Variants in CDC14B observed in about 807,000 individuals in gnomAD.
The protein encoded by CDC14B is cell division cycle 14B.
Under a neutral mutation model 64.2 loss-of-function variants are expected in CDC14B, and 22 were observed. The ratio of observed to expected loss-of-function variants is 0.34; its 90% CI spans 0.24 to 0.49. The LOEUF (loss-of-function observed/expected upper bound fraction) is 0.49, where lower values mean the gene tolerates loss of function less well. Ranked by LOEUF, CDC14B falls within the 20% of genes least tolerant of loss-of-function variation. The pLI is 0.99. For missense variants in CDC14B, 498 were observed against 629.9 expected (o/e 0.79, Z 2.24); for synonymous variants, 191 against 215.8 (o/e 0.89, Z 1.01).
Position 96,534,034 on chromosome 9 carries a change from T to C in CDC14B, c.839A>G (p.His280Arg). The C allele has an allele frequency of 1.9e-6, 3 of 1,613,274 alleles. No homozygotes were observed. The highest frequency in any genetic ancestry group is 2.5e-6 in the Non-Finnish European group (3 of 1,179,474). ...AKRFTDAGFDHHDLFFADGST... is the reference protein window; with the variant it reads ...AKRFTDAGFDRHDLFFADGST... ...GCCATCCGCAAAGAAAAGATCATGG[T>C]GATCGAAGCCAGCATCCGTAAAGCG... The change falls in exon 9 of 14, where the codon CAC becomes CGC. Residue 280 changes from histidine to arginine, a missense_variant. By Grantham distance (29) the His-to-Arg change is conservative. Transcript: ENST00000375241.
chr9:96,598,521 G>C (rs1438586461), intron 1 of CDC14B, among the ~76,000 whole-genome samples: 5 of 152,084 alleles, frequency 3.3e-5, no homozygotes, highest in African/African-American at 9.7e-5. Context: ...ATTTTCAGTA[G>C]AGACAGGGTT....
intron 11 of CDC14B, among the ~76,000 whole-genome samples, chr9:96,522,913 C>A (rs1052051659): frequency 2.0e-5 from 3 of 152,160 alleles, no homozygotes; most frequent in Non-Finnish European, 4.4e-5. Flanking sequence ...ACTGCTACCC[C>A]CTAAGCCTTT....
intron 13 of CDC14B, among the ~76,000 whole-genome samples, chr9:96,504,363 C>T (rs987831453): frequency 2.0e-5 from 3 of 152,120 alleles, no homozygotes; most frequent in East Asian, 1.9e-4. Context: ...CAGTTCACGA[C>T]GCTACACTTT....
chr9:96,529,845 T>C (rs1237620017), intron 9 of CDC14B, among the ~76,000 whole-genome samples: 3 of 152,138 alleles, frequency 2.0e-5, no homozygotes, highest in Non-Finnish European at 2.9e-5. Context: ...TTATTCTTTC[T>C]CAAGATTGTT....
chr9:96,526,096 G>A (rs77175688), intron 9 of CDC14B, among the ~76,000 whole-genome samples: 9,560 of 152,178 alleles, frequency 0.063, 951 homozygotes, highest in African/African-American at 0.21. Context: ...GGCCGGGTGC[G>A]GTGGCTCACA....
chr9:96,590,380 TC>T (rs1845710826), intron 1 of CDC14B, among the ~76,000 whole-genome samples: 1 of 152,216 alleles, frequency 6.6e-6, no homozygotes, highest in Non-Finnish European at 1.5e-5. Context: ...ATTTTCTTTT[TC>T]CATTCATCTG....
chr9:96,534,605 A>AGTCTTGAGTAG, intron 7 of CDC14B, 63 bp from the exon 8 acceptor site: 1 of 1,078,152 alleles, frequency 9.3e-7, no homozygotes, highest in Non-Finnish European at 1.4e-6. Flanking sequence ...CTCTCTACTC[A>AGTCTTGAGTAG]AGACTGAGTC....
At chr9:96,519,676 A>G (rs914552993) in intron 12 of CDC14B, among the ~76,000 whole-genome samples, 7 of 148,328 alleles carry the variant, frequency 4.7e-5, no homozygotes, top group African/African-American at 9.9e-5. Context: ...GGTTGCAGTG[A>G]GCCGAGGGCA....
intron 5 of CDC14B, among the ~76,000 whole-genome samples, chr9:96,550,630 G>A (rs1209411325): frequency 1.3e-5 from 2 of 152,174 alleles, no homozygotes; most frequent in Non-Finnish European, 1.5e-5. Flanking sequence ...ATTTGTGAAT[G>A]GAAGAACAAG....
intron 4 of CDC14B, among the ~76,000 whole-genome samples, chr9:96,554,744 C>CT (rs1279953976): frequency 1.3e-5 from 2 of 152,030 alleles, no homozygotes; most frequent in Non-Finnish European, 2.9e-5. Context: ...TAACTTTTAC[C>CT]TTTTTTTCTT....
At chr9:96,566,646 C>A in intron 1 of CDC14B, 1 of 917,912 alleles carries the variant, frequency 1.1e-6, no homozygotes, top group East Asian at 2.6e-5. Context: ...CGAGGCCACC[C>A]ACACGCAGGA....
At chr9:96,595,403 G>A (rs1846012734) in intron 1 of CDC14B, among the ~76,000 whole-genome samples, 1 of 152,192 alleles carries the variant, frequency 6.6e-6, no homozygotes, top group Non-Finnish European at 1.5e-5. Context: ...AACAGACTCA[G>A]AACTGACATA....
intron 1 of CDC14B, among the ~76,000 whole-genome samples, chr9:96,612,629 TGATTA>T (rs1013807150): frequency 3.9e-5 from 6 of 152,338 alleles, no homozygotes; most frequent in African/African-American, 1.4e-4. Flanking sequence ...AAAAACTCTT[TGATTA>T]AAGTTTTTCT....
At chr9:96,589,374 G>T (rs543826885) in intron 1 of CDC14B, among the ~76,000 whole-genome samples, 2 of 151,584 alleles carry the variant, frequency 1.3e-5, no homozygotes, top group African/African-American at 2.4e-5. Context: ...AGTATATTTG[G>T]TTTTTTGTTT....
chr9:96,593,038 G>A (rs956742089), intron 1 of CDC14B, among the ~76,000 whole-genome samples: 10 of 152,140 alleles, frequency 6.6e-5, no homozygotes, highest in Non-Finnish European at 1.5e-5. Context: ...GTTGTTAACT[G>A]CTCAGAAAAT....
rs1833683234 is a variant in CDC14B at position 96,502,883 on chromosome 9, T to A, written c.*870A>T. 3 of 398,410 alleles carry A rather than the reference T, an allele frequency of 7.5e-6. No homozygotes were observed. In the Admixed American group the frequency reaches 1.3e-4, roughly 18 times the overall value. 24.7% of individuals were successfully genotyped at this position (398,410 alleles called of 1,614,324 possible). A position where few individuals can be genotyped will look rare whatever the true frequency, so the allele number is the denominator to read the frequency against. On this transcript the variant is annotated 3_prime_UTR_variant, in exon 14 of 14. Coordinates refer to ENST00000375241, the MANE Select transcript of CDC14B (RefSeq NM_033331.4). ...TTTTTTTTTGTAAGCCGACATTATT[T>A]GGGATTGCTGTTTCCAAGGGGAAAA... is the stretch of plus-strand genomic sequence containing the variant.
chr9:96,616,448 C>G (rs1441958939), intron 1 of CDC14B, among the ~76,000 whole-genome samples: 1 of 151,378 alleles, frequency 6.6e-6, no homozygotes, highest in Non-Finnish European at 1.5e-5. Flanking sequence ...ATTTGATAGG[C>G]TGGGTGAAGG....
At chr9:96,534,274 T>C (rs1838958159) in intron 8 of CDC14B, 117 bp from the exon 9 acceptor site, 1 of 798,674 alleles carries the variant, frequency 1.3e-6, no homozygotes, top group South Asian at 1.9e-5. Flanking sequence ...CCAATTTGAT[T>C]ATAACTGTAA....
chr9:96,548,135 GTT>G (rs1841258861), intron 5 of CDC14B, among the ~76,000 whole-genome samples: 1 of 152,050 alleles, frequency 6.6e-6, no homozygotes, highest in Non-Finnish European at 1.5e-5. Context: ...TATTGTTTCT[GTT>G]TAAAGACTAG....
Sources: allele counts gnomAD v4.1 joint callset (sites outside exome capture counted in the v4.1 genomes callset), GRCh38; gene constraint gnomAD v4.1.1; transcripts MANE v1.5; gene names NCBI Gene and HGNC (gene_info 2026-07-23, HGNC 2026-07-21).